The following GALNT13 variants were observed in gnomAD, a reference collection of about 807,000 sequenced individuals.
The protein encoded by GALNT13 is UDP-GalNAc:polypeptide N-acetylgalactosaminyltransferase 13.
GALNT13 carries 28 observed loss-of-function variants against 64.2 expected under a neutral mutation model. The observed-to-expected ratio is 0.44, with a 90% CI of 0.32 to 0.60. The LOEUF (loss-of-function observed/expected upper bound fraction) is 0.60. GALNT13 is among the 20% of genes least tolerant of loss of function. The probability of loss-of-function intolerance (pLI) is 0.05; values close to 1 mark genes in which losing one functional copy is unlikely to be tolerated. For missense variants in GALNT13, 577 were observed against 669.8 expected (o/e 0.86, Z 1.53); for synonymous variants, 214 against 224.6 (o/e 0.95, Z 0.42).
At chr2:153,190,722 T>G in the GALNT13 span, among the ~76,000 whole-genome samples, 1 of 152,068 alleles carries the variant, frequency 6.6e-6, no homozygotes, top group Non-Finnish European at 1.5e-5. Context: ...CTGGGATATC[T>G]TTCCATTTAT....
At chr2:154,027,380 T>A (rs894916064) in intron 3 of GALNT13, among the ~76,000 whole-genome samples, 1 of 152,160 alleles carries the variant, frequency 6.6e-6, no homozygotes, top group East Asian at 1.9e-4. Flanking sequence ...TTCAGTAGAT[T>A]GATATTTTTA....
chr2:154,133,536 A>ATT (rs1558977077), intron 3 of GALNT13, among the ~76,000 whole-genome samples: 5 of 6,338 alleles, frequency 7.9e-4, no homozygotes, highest in African/African-American at 2.7e-3. Context: ...AGACCATTTT[A>ATT]TATATATATA....
chr2:153,228,925 A>C, the GALNT13 span, among the ~76,000 whole-genome samples: 1 of 151,050 alleles, frequency 6.6e-6, no homozygotes, highest in Non-Finnish European at 1.5e-5. Flanking sequence ...ATTACCTTGT[A>C]TCCAAATCTA....
the GALNT13 span, among the ~76,000 whole-genome samples, chr2:153,134,492 C>A: frequency 6.6e-6 from 1 of 151,520 alleles, no homozygotes; most frequent in South Asian, 2.1e-4. Context: ...TATCCGTCTG[C>A]TGTAAGATTA....
chr2:153,749,929 G>A, the GALNT13 span, among the ~76,000 whole-genome samples: 1 of 151,792 alleles, frequency 6.6e-6, no homozygotes. Flanking sequence ...AAGACTTTCA[G>A]TTTTTCCCCA....
At chr2:153,086,460 C>T in the GALNT13 span, among the ~76,000 whole-genome samples, 8 of 152,170 alleles carry the variant, frequency 5.3e-5, no homozygotes, top group African/African-American at 1.9e-4. Flanking sequence ...CTGTTTTTCC[C>T]ATACTGTTCT....
the GALNT13 span, among the ~76,000 whole-genome samples, chr2:153,746,330 G>T: frequency 3.1e-3 from 472 of 152,250 alleles, 5 homozygotes; most frequent in African/African-American, 0.011. Flanking sequence ...GGATTAGTTA[G>T]CTAATGGATT....
At chr2:153,506,559 G>C in the GALNT13 span, among the ~76,000 whole-genome samples, 2 of 151,760 alleles carry the variant, frequency 1.3e-5, no homozygotes, top group Admixed American at 6.6e-5. Context: ...CTCAGCATTT[G>C]TTTGTCTGGA....
At chr2:154,000,182 A>T (rs1399363102) in intron 3 of GALNT13, among the ~76,000 whole-genome samples, 2 of 151,378 alleles carry the variant, frequency 1.3e-5, no homozygotes, top group Admixed American at 6.6e-5. Context: ...CTTCTTTTTC[A>T]TCTCTGATTT....
chr2:154,281,014 A>T (rs1402461530), intron 8 of GALNT13, among the ~76,000 whole-genome samples: 1 of 152,240 alleles, frequency 6.6e-6, no homozygotes, highest in East Asian at 1.9e-4. Context: ...TTTTGTCTTA[A>T]TAATCACTTA....
chr2:153,163,966 C>G, the GALNT13 span, among the ~76,000 whole-genome samples: 1 of 149,574 alleles, frequency 6.7e-6, no homozygotes, highest in African/African-American at 2.5e-5. Flanking sequence ...TGCAGTGAGC[C>G]GAGATCGCGC....
chr2:154,390,768 G>A (rs762650222), intron 9 of GALNT13, among the ~76,000 whole-genome samples: 4 of 152,124 alleles, frequency 2.6e-5, no homozygotes, highest in Non-Finnish European at 5.9e-5. Context: ...TACTCATTAT[G>A]CATCTTTATT....
chr2:154,111,336 G>C (rs539887897), intron 3 of GALNT13, among the ~76,000 whole-genome samples: 75 of 152,260 alleles, frequency 4.9e-4, no homozygotes, highest in African/African-American at 1.8e-3. Flanking sequence ...AATATTAAGA[G>C]ACACCCTGAT....
At chr2:153,856,577 A>C in the GALNT13 span, among the ~76,000 whole-genome samples, 1 of 152,176 alleles carries the variant, frequency 6.6e-6, no homozygotes, top group Non-Finnish European at 1.5e-5. Flanking sequence ...AATCAAAATG[A>C]GGTAAATCCG....
At chr2:153,272,927 T>C in the GALNT13 span, among the ~76,000 whole-genome samples, 1 of 152,208 alleles carries the variant, frequency 6.6e-6, no homozygotes, top group Non-Finnish European at 1.5e-5. Flanking sequence ...CATGGAATAC[T>C]ATGCATCCAT....
At chr2:153,183,053 A>G in the GALNT13 span, among the ~76,000 whole-genome samples, 2 of 152,182 alleles carry the variant, frequency 1.3e-5, no homozygotes, top group Non-Finnish European at 2.9e-5. Context: ...AAATTGCCAC[A>G]CTGTCTTCCA....
intron 3 of GALNT13, among the ~76,000 whole-genome samples, chr2:153,997,916 A>T (rs1232135913): frequency 6.6e-6 from 1 of 151,990 alleles, no homozygotes; most frequent in African/African-American, 2.4e-5. Flanking sequence ...TTCTTGTGTT[A>T]GTTTGCTGAG....
the GALNT13 span, among the ~76,000 whole-genome samples, chr2:153,654,290 A>C: frequency 1.3e-5 from 2 of 152,142 alleles, no homozygotes; most frequent in Non-Finnish European, 2.9e-5. Flanking sequence ...ATACTAACCA[A>C]ATGCAATTGT....
chr2:153,619,611 CTT>C, the GALNT13 span, among the ~76,000 whole-genome samples: 1 of 151,974 alleles, frequency 6.6e-6, no homozygotes, highest in Non-Finnish European at 1.5e-5. Context: ...TGTAGAATGA[CTT>C]TGGAAGTATC....
Sources: allele counts gnomAD v4.1 joint callset (sites outside exome capture counted in the v4.1 genomes callset), GRCh38; gene constraint gnomAD v4.1.1; transcripts MANE v1.5; gene names NCBI Gene and HGNC (gene_info 2026-07-23, HGNC 2026-07-21).